The following IFI27L1 variants were observed in gnomAD, a reference collection of about 807,000 sequenced individuals.
The protein encoded by IFI27L1 is interferon alpha inducible protein 27 like 1.
A neutral mutation model predicts 9.2 loss-of-function variants in IFI27L1; 3 were observed. The observed-to-expected ratio is 0.32, with a 90% confidence interval of 0.15 to 0.84. The LOEUF (loss-of-function observed/expected upper bound fraction) is 0.84, where lower values mean the gene tolerates loss of function less well. Ranked by LOEUF, IFI27L1 falls within the 40% of genes least tolerant of loss-of-function variation. IFI27L1 has a pLI of 0.56. For synonymous variants in IFI27L1, 53 were observed against 50.0 expected (o/e 1.06, Z -0.26); for missense variants, 133 against 134.2 (o/e 0.99, Z 0.05).
At chr14:94,085,827 C>T (rs901270012) in intron 1 of IFI27L1, among the ~76,000 whole-genome samples, 1 of 152,064 alleles carries the variant, frequency 6.6e-6, no homozygotes, top group Non-Finnish European at 1.5e-5. Context: ...TTATCCCTAC[C>T]CAGAACACAA....
At chr14:94,101,669 AC>A in intron 3 of IFI27L1, 144 bp from the exon 4 acceptor site, 2 of 725,812 alleles carry the variant, frequency 2.8e-6, no homozygotes, top group South Asian at 3.7e-5. Flanking sequence ...TTACACGTTG[AC>A]TGCCCTTGTT....
At chr14:94,095,396 C>T (rs1264292061) in intron 1 of IFI27L1, among the ~76,000 whole-genome samples, 3 of 152,096 alleles carry the variant, frequency 2.0e-5, no homozygotes, top group Non-Finnish European at 4.4e-5. Context: ...ACTTGATCTC[C>T]GGTCTGGGCC....
chr14:94,090,888 G>C (rs1314813119), intron 1 of IFI27L1, among the ~76,000 whole-genome samples: 1 of 152,282 alleles, frequency 6.6e-6, no homozygotes, highest in East Asian at 1.9e-4. Context: ...CCAAATTCTG[G>C]AGAAATCAGG....
chr14:94,088,504 T>TC (rs10622358), intron 1 of IFI27L1, among the ~76,000 whole-genome samples: 17 of 147,164 alleles, frequency 1.2e-4, no homozygotes, highest in African/African-American at 2.0e-4. Flanking sequence ...ACAATCTTTT[T>TC]TTTTTTTTTT....
intron 3 of IFI27L1, 100 bp downstream of exon 3, chr14:94,100,871 A>G: frequency 7.7e-7 from 1 of 1,302,276 alleles, no homozygotes; most frequent in Non-Finnish European, 1.1e-6. Context: ...AGGATTCTCC[A>G]AGACATAGCT....
chr14:94,102,117 G>A (rs1228598131), intron 4 of IFI27L1, 142 bp downstream of exon 4: 1 of 874,370 alleles, frequency 1.1e-6, no homozygotes, highest in Non-Finnish European at 1.8e-6. Context: ...CCCTCTTCTG[G>A]TTGGAGGTGG....
chr14:94,100,800 C>G, intron 3 of IFI27L1, 29 bp downstream of exon 3: 1 of 1,612,514 alleles, frequency 6.2e-7, no homozygotes, highest in Non-Finnish European at 8.5e-7. Context: ...GAACTCAAGC[C>G]CCCATCCCCC....
chr14:94,089,990 G>A (rs2141448826), intron 1 of IFI27L1, among the ~76,000 whole-genome samples: 1 of 152,248 alleles, frequency 6.6e-6, no homozygotes, highest in East Asian at 1.9e-4. Context: ...CATTGAGTAA[G>A]CTCATCCTAC....
intron 1 of IFI27L1, among the ~76,000 whole-genome samples, chr14:94,091,318 A>G (rs1336276220): frequency 7.2e-5 from 11 of 152,254 alleles, no homozygotes; most frequent in African/African-American, 2.7e-4. Context: ...CTTCTATGGC[A>G]TACAACAATT....
intron 1 of IFI27L1, among the ~76,000 whole-genome samples, chr14:94,085,327 T>C (rs1389731493): frequency 6.6e-6 from 1 of 152,222 alleles, no homozygotes; most frequent in Non-Finnish European, 1.5e-5. Context: ...GGCAGATTAC[T>C]TACTCTTCCT....
intron 1 of IFI27L1, among the ~76,000 whole-genome samples, chr14:94,085,663 A>G (rs1886258194): frequency 6.6e-6 from 1 of 151,986 alleles, no homozygotes; most frequent in Non-Finnish European, 1.5e-5. Context: ...TATTATATGG[A>G]GGTATAATTA....
chr14:94,087,580 C>G (rs1202298339), intron 1 of IFI27L1, among the ~76,000 whole-genome samples: 1 of 152,210 alleles, frequency 6.6e-6, no homozygotes, highest in African/African-American at 2.4e-5. Context: ...GCACTCGCCA[C>G]CACACCCAGC....
chr14:94,090,534 A>C (rs1886439358), intron 1 of IFI27L1, among the ~76,000 whole-genome samples: 1 of 152,208 alleles, frequency 6.6e-6, no homozygotes, highest in East Asian at 1.9e-4. Context: ...TTTAAAGCTG[A>C]GGCCAGCCAT....
At chr14:94,086,725 T>C (rs997227510) in intron 1 of IFI27L1, among the ~76,000 whole-genome samples, 3 of 152,042 alleles carry the variant, frequency 2.0e-5, no homozygotes, top group Non-Finnish European at 2.9e-5. Context: ...ATAATAATAA[T>C]AACAACAAAG....
At chr14:94,092,287 G>A (rs1232415628) in intron 1 of IFI27L1, among the ~76,000 whole-genome samples, 1 of 152,062 alleles carries the variant, frequency 6.6e-6, no homozygotes, top group African/African-American at 2.4e-5. Flanking sequence ...GCTGAGGTGG[G>A]CGGATCACGA....
intron 3 of IFI27L1, chr14:94,101,386 C>T (rs72702320): frequency 0.11 from 26,750 of 235,256 alleles, 2,608 homozygotes; most frequent in East Asian, 0.49. Context: ...AGAGGACCCC[C>T]GCGTGCTGCT....
At chr14:94,092,170 G>A (rs990058669) in intron 1 of IFI27L1, among the ~76,000 whole-genome samples, 1 of 150,748 alleles carries the variant, frequency 6.6e-6, no homozygotes, top group African/African-American at 2.4e-5. Context: ...AAGAGAGAAA[G>A]CCAGATTTCA....
intron 2 of IFI27L1, chr14:94,097,555 A>G (rs990645273): frequency 4.3e-6 from 3 of 695,486 alleles, no homozygotes; most frequent in East Asian, 5.4e-5. Flanking sequence ...GACTTGGGCC[A>G]GAGCAGAGGC....
Position 94,096,916 on chromosome 14 carries a change from C to T in IFI27L1, c.-22C>T, listed in dbSNP as rs772464193. ...AAGTCCAAGAATCCGAGTGGAGGCTCACCGAGGCGAAGGGGCCAACCATGG... is the reference window on the plus strand; with the variant it reads ...AAGTCCAAGAATCCGAGTGGAGGCTTACCGAGGCGAAGGGGCCAACCATGG... On this transcript the variant is annotated 5_prime_UTR_variant, in exon 2 of 5. Transcript: ENST00000555523. 5 of 1,612,750 alleles carry T rather than the reference C, an allele frequency of 3.1e-6. No individual in the cohort carries two copies. The South Asian group carries it at 3.3e-5, about 11-fold the overall frequency.
Sources: allele counts gnomAD v4.1 joint callset (sites outside exome capture counted in the v4.1 genomes callset), GRCh38; gene constraint gnomAD v4.1.1; transcripts MANE v1.5; gene names NCBI Gene and HGNC (gene_info 2026-07-23, HGNC 2026-07-21).